RAI1: variants seen among roughly 807,000 people sequenced by gnomAD.
RAI1 encodes retinoic acid-induced protein 1.
In RAI1, 9 loss-of-function variants were observed where a neutral mutation model predicts 123.8. That is an observed-to-expected ratio of 0.07 (90% confidence interval 0.04 to 0.13). The LOEUF (loss-of-function observed/expected upper bound fraction) is 0.13. RAI1 is among the 10% of genes least tolerant of loss of function. RAI1 has a pLI of 1.00. For synonymous variants in RAI1, 1,231 were observed against 1,127.3 expected, an observed-to-expected ratio of 1.09 and a Z score of -1.84; for missense variants, 2,256 against 2,545.8, an observed-to-expected ratio of 0.89 and a Z score of 2.45.
intron 2 of RAI1, among the ~76,000 whole-genome samples, chr17:17,754,191 CTTTTT>C (rs1158475382): frequency 1.3e-5 from 1 of 75,720 alleles, no homozygotes; most frequent in African/African-American, 5.8e-5. Context: ...CTAACCCAAT[CTTTTT>C]TTTTTTTTTT....
chr17:17,688,410 G>T (rs1040419778), intron 1 of RAI1, among the ~76,000 whole-genome samples: 6 of 151,472 alleles, frequency 4.0e-5, no homozygotes, highest in Non-Finnish European at 8.8e-5. Context: ...CTTGAACCCC[G>T]GGGGGTGGAA....
intron 1 of RAI1, among the ~76,000 whole-genome samples, chr17:17,723,753 C>T (rs1388843700): frequency 6.7e-6 from 1 of 149,446 alleles, no homozygotes. Flanking sequence ...AGCCAAGCCC[C>T]CTCATCGCGC....
chr17:17,727,638 A>G (rs933707369), intron 2 of RAI1, among the ~76,000 whole-genome samples: 11 of 152,196 alleles, frequency 7.2e-5, no homozygotes, highest in African/African-American at 2.7e-4. Flanking sequence ...GATCCAAAGC[A>G]GATGCAGTGA....
At position 17,793,206 on chromosome 17, in the gene RAI1, C is replaced by T. The variant is rs780076348; in HGVS notation, c.258C>T (p.Pro86=). 4 of 1,612,450 alleles carry T rather than the reference C, an allele frequency of 2.5e-6. No individual in the cohort carries two copies. In the South Asian group the frequency reaches 3.3e-5, roughly 13 times the overall value. Residue 86 remains proline (P), a synonymous_variant, in exon 3 of 6, where the codon CCC becomes CCT. Coordinates refer to ENST00000353383, the MANE Select transcript of RAI1 (RefSeq NM_030665.4). ...DKYHRGSKAL[P]TQQGLQGRPA... is the part of the protein sequence containing the mutation. Reference sequence around the variant, plus strand: ...ACCACCGAGGCAGCAAGGCCCTGCCCACACAGCAAGGCCTGCAGGGGAGGC... The same window carrying T: ...ACCACCGAGGCAGCAAGGCCCTGCCTACACAGCAAGGCCTGCAGGGGAGGC...
At chr17:17,779,224 G>C in intron 2 of RAI1, 1 of 323,282 alleles carries the variant, frequency 3.1e-6, no homozygotes, top group South Asian at 2.6e-5. Context: ...GCAGTGGCTG[G>C]CTGGTGGCTG....
intron 2 of RAI1, among the ~76,000 whole-genome samples, chr17:17,784,676 G>A (rs1269061372): frequency 6.6e-6 from 1 of 152,176 alleles, no homozygotes; most frequent in East Asian, 1.9e-4. Context: ...CCGTTTGGGT[G>A]GCAGACCCAT....
At chr17:17,780,082 T>TTTTTTCTTTTA (rs71152902) in intron 2 of RAI1, among the ~76,000 whole-genome samples, 1 of 110,962 alleles carries the variant, frequency 9.0e-6, no homozygotes, top group East Asian at 2.8e-4. Flanking sequence ...GGCTTTTTTT[T>TTTTTTCTTTTA]AAGACAAGAG....
At chr17:17,751,754 T>C (rs899110722) in intron 2 of RAI1, among the ~76,000 whole-genome samples, 1 of 152,146 alleles carries the variant, frequency 6.6e-6, no homozygotes, top group Non-Finnish European at 1.5e-5. Flanking sequence ...TCTCTCAAAT[T>C]ACCTCTCTTG....
intron 1 of RAI1, among the ~76,000 whole-genome samples, chr17:17,711,434 G>A (rs903786406): frequency 4.6e-5 from 7 of 152,232 alleles, no homozygotes; most frequent in South Asian, 2.1e-4. Flanking sequence ...CCCCGGAGTT[G>A]GGGGGCGGGT....
In RAI1 at chr17:17,794,166, T is replaced by C; in HGVS notation, c.1218T>C (p.Ser406=). 1 of 1,613,876 alleles carries C rather than the reference T, an allele frequency of 6.2e-7. No homozygotes were observed. The highest frequency in any genetic ancestry group is 2.2e-5 in the East Asian group (1 of 44,882). Residue 406 remains serine (S), a synonymous_variant, in exon 3 of 6, where the codon TCT becomes TCC. Coordinates refer to ENST00000353383, the MANE Select transcript of RAI1 (RefSeq NM_030665.4). ...CCTCCCCAACGGATGCCACCAGCTC[T>C]GTGGACACCCAGGCTGGCAACTGCA... is the stretch of plus-strand genomic sequence containing the variant. ...LNPSPTDATS[S]VDTQAGNCKP... is the part of the protein sequence containing the mutation.
At chr17:17,733,797 C>T (rs1056341383) in intron 2 of RAI1, among the ~76,000 whole-genome samples, 6 of 152,106 alleles carry the variant, frequency 3.9e-5, no homozygotes, top group East Asian at 1.9e-4. Context: ...GAAGTGACAA[C>T]GTGCGATAAA....
At chr17:17,706,641 C>T (rs1915404287) in intron 1 of RAI1, among the ~76,000 whole-genome samples, 1 of 152,054 alleles carries the variant, frequency 6.6e-6, no homozygotes, top group Admixed American at 6.6e-5. Flanking sequence ...TTGGGGCACC[C>T]GAGCGGCATC....
rs374187267 is a variant in RAI1, at chr17:17,796,637, C to T, written c.3689C>T (p.Ala1230Val). 2.7e-5 allele frequency: 44 copies of T among 1,611,750 alleles called. 1 individual carries two copies. In the South Asian group the frequency reaches 4.7e-4, roughly 17 times the overall value. Residue 1230 changes from alanine to valine, a missense_variant, in exon 3 of 6, where the codon GCG becomes GTG. Coordinates refer to ENST00000353383, the MANE Select transcript of RAI1 (RefSeq NM_030665.4). This position sits in a 1 kb window ranked among gnomAD's most constrained non-coding sequence, Gnocchi z 5.8. Reference sequence around the variant, plus strand: ...CTCAAAAGGAAGTCGGCCTTCATGGCGCCGGTCCCCACCAAGAAGCGGAAC... The same window carrying T: ...CTCAAAAGGAAGTCGGCCTTCATGGTGCCGGTCCCCACCAAGAAGCGGAAC... ...HALKRKSAFM[A>V]PVPTKKRNLV...
intron 2 of RAI1, among the ~76,000 whole-genome samples, chr17:17,766,790 A>G (rs1470358931): frequency 2.0e-5 from 3 of 152,218 alleles, no homozygotes; most frequent in Admixed American, 2.0e-4. Context: ...AGCAGACAGC[A>G]AAGGTGTGGA....
chr17:17,749,035 A>G (rs1233851269), intron 2 of RAI1, among the ~76,000 whole-genome samples: 1 of 152,188 alleles, frequency 6.6e-6, no homozygotes, highest in East Asian at 1.9e-4. Flanking sequence ...AATGCACAAC[A>G]ACACATCAGC....
At chr17:17,806,987 C>G (rs1419957593) in intron 4 of RAI1, among the ~76,000 whole-genome samples, 1 of 152,078 alleles carries the variant, frequency 6.6e-6, no homozygotes. Context: ...TGTGGACATA[C>G]AAAGTGTAGA....
intron 2 of RAI1, among the ~76,000 whole-genome samples, chr17:17,789,550 G>A (rs1310057503): frequency 6.6e-6 from 1 of 152,202 alleles, no homozygotes. Context: ...GGCTTGGAGT[G>A]AGGACACCCA....
At chr17:17,683,975 G>T (rs1413862993) in intron 1 of RAI1, 1 of 152,224 alleles carries the variant, frequency 6.6e-6, no homozygotes, top group Non-Finnish European at 1.5e-5. Context: ...CAGGGCTCAA[G>T]CGATCCTCCA....
intron 1 of RAI1, among the ~76,000 whole-genome samples, chr17:17,723,265 GAC>G (rs1216800818): frequency 4.0e-5 from 6 of 149,764 alleles, no homozygotes; most frequent in African/African-American, 1.2e-4. Flanking sequence ...CAATCGCACA[GAC>G]ACAGCCCCAC....
Sources: gnomAD v4.1 joint callset for allele counts (sites outside exome capture counted in the v4.1 genomes callset) on GRCh38, gnomAD v4.1.1 for gene constraint, Gnocchi (gnomAD v3.1) non-coding constraint, MANE v1.5 for transcripts, NCBI Gene and HGNC (gene_info 2026-07-23, HGNC 2026-07-21) for gene names.